The following FNBP1 variants were observed in gnomAD, a reference collection of about 807,000 sequenced individuals.
FNBP1 encodes formin binding protein 1.
A neutral mutation model predicts 90.6 loss-of-function variants in FNBP1; 26 were observed. The observed-to-expected ratio is 0.29, with a 90% CI of 0.21 to 0.40. The LOEUF is 0.40. Ranked by LOEUF, FNBP1 falls within the 10% of genes least tolerant of loss-of-function variation. The pLI is 1.00. For missense variants in FNBP1, 635 were observed against 768.0 expected (o/e 0.83, Z 2.05); for synonymous variants, 260 against 265.2 (o/e 0.98, Z 0.19).
At chr9:129,995,000 T>C in intron 1 of FNBP1, 42 bp from the exon 2 acceptor site, 1 of 888,186 alleles carries the variant, frequency 1.1e-6, no homozygotes, top group Non-Finnish European at 1.9e-6. Flanking sequence ...TCTTTCCCTG[T>C]GATTAACATA....
intron 11 of FNBP1, among the ~76,000 whole-genome samples, chr9:129,910,549 A>G (rs2039086026): frequency 6.6e-6 from 1 of 151,096 alleles, no homozygotes; most frequent in African/African-American, 2.4e-5. Flanking sequence ...AAGCCAGGGC[A>G]TTTAGAAAAG....
intron 1 of FNBP1, among the ~76,000 whole-genome samples, chr9:130,016,268 C>T (rs2057227826): frequency 6.6e-6 from 1 of 152,096 alleles, no homozygotes; most frequent in African/African-American, 2.4e-5. Context: ...TGAGGGTGGG[C>T]CCCTTGTGAA....
Position 129,957,345 on chromosome 9 carries a change from G to C in FNBP1, c.513+15C>G. 3 of 1,592,312 alleles carry C rather than the reference G, an allele frequency of 1.9e-6. No homozygotes were observed. Among genetic ancestry groups the C allele is most frequent in the Non-Finnish European group, 2.6e-6 (3 of 1,162,488 alleles). On this transcript the variant is annotated intron_variant, in intron 6 of 16. Coordinates refer to ENST00000446176, the MANE Select transcript of FNBP1 (RefSeq NM_015033.3). This position sits in a 1 kb window ranked among gnomAD's most constrained non-coding sequence, Gnocchi z 4.3. Reference sequence around the variant, plus strand: ...GAGCCACCGTGCCCGGCCCACACTTGAGCTTTCACCTCACCTTTTCAACAT... The same window carrying C: ...GAGCCACCGTGCCCGGCCCACACTTCAGCTTTCACCTCACCTTTTCAACAT...
chr9:129,912,993 G>A (rs1370666198), intron 11 of FNBP1, among the ~76,000 whole-genome samples: 1 of 152,186 alleles, frequency 6.6e-6, no homozygotes, highest in East Asian at 1.9e-4. Context: ...GCCGAGGTGA[G>A]CGGATCACCT....
intron 11 of FNBP1, among the ~76,000 whole-genome samples, chr9:129,910,746 G>T (rs542445923): frequency 3.3e-5 from 5 of 152,082 alleles, no homozygotes; most frequent in African/African-American, 1.2e-4. Flanking sequence ...GTGCTGGGAA[G>T]TGTGTGATTC....
intron 4 of FNBP1, among the ~76,000 whole-genome samples, chr9:129,961,851 G>A (rs145283392): frequency 6.6e-6 from 1 of 152,178 alleles, no homozygotes; most frequent in Non-Finnish European, 1.5e-5. Context: ...CTCCCAAAGT[G>A]CTGGGATTAC....
chr9:129,955,862 C>CACAT (rs1554813885), intron 6 of FNBP1, among the ~76,000 whole-genome samples: 2 of 151,154 alleles, frequency 1.3e-5, no homozygotes, highest in Non-Finnish European at 3.0e-5. Context: ...CACACACACA[C>CACAT]ATATATGAAT....
intron 10 of FNBP1, among the ~76,000 whole-genome samples, chr9:129,917,444 C>T (rs2040429874): frequency 6.6e-6 from 1 of 151,092 alleles, no homozygotes; most frequent in East Asian, 2.0e-4. Context: ...ATGATCCTCG[C>T]ACCTCAGCCT....
chr9:130,042,992 A>C lies in FNBP1; in HGVS notation c.-17T>G. ...CCAGCTCATGGTGCAGGGGACGCGA[A>C]GGGGCGCTCCGCGCGGCGGGCGCGG... On this transcript the variant is annotated 5_prime_UTR_variant, in exon 1 of 17. Coordinates refer to ENST00000446176, the MANE Select transcript of FNBP1 (RefSeq NM_015033.3). The surrounding 1 kb of genome is among the most constrained non-coding windows in gnomAD (Gnocchi z 5.5). The C allele has an allele frequency of 8.2e-7, 1 of 1,224,926 alleles. No homozygotes were observed. The highest frequency in any genetic ancestry group is 1.0e-6 in the Non-Finnish European group (1 of 983,404). The allele number at this position is 1,224,926 out of a possible 1,614,324, so 75.9% of individuals were successfully genotyped here.
At position 129,958,593 on chromosome 9, in the gene FNBP1, C is replaced by A. The variant is rs747838482; in HGVS notation, c.346-40G>T. The A allele has an allele frequency of 9.3e-6, 14 of 1,505,090 alleles. No homozygotes were observed. The African/African-American group carries it at 1.7e-4, about 18-fold the overall frequency. The allele number at this position is 1,505,090 out of a possible 1,614,324, so 93.2% of individuals were successfully genotyped here. On this transcript the variant is annotated intron_variant, in intron 4 of 16. Transcript: ENST00000446176. ...ACACACTGGTGATTAGTACCCTCTG[C>A]TTCTCTTATGAACCCAGGAGGAAAC...
At chr9:130,043,207 C>G (rs1589461109), upstream of FNBP1, 1 of 357,478 alleles carries the variant, frequency 2.8e-6, no homozygotes, top group Non-Finnish European at 5.0e-6. Flanking sequence ...GCAGCGCCCG[C>G]CCGCCCTACA....
intron 4 of FNBP1, among the ~76,000 whole-genome samples, chr9:129,977,916 T>A (rs1301677533): frequency 1.3e-5 from 2 of 152,188 alleles, no homozygotes; most frequent in African/African-American, 4.8e-5. Context: ...GCATATTCCT[T>A]TGAATATGGG....
At chr9:129,938,116 T>C (rs2043758870) in intron 6 of FNBP1, among the ~76,000 whole-genome samples, 1 of 152,120 alleles carries the variant, frequency 6.6e-6, no homozygotes, top group Non-Finnish European at 1.5e-5. Flanking sequence ...TGAGCCGAGA[T>C]TGAGCCACTG....
upstream of FNBP1, among the ~76,000 whole-genome samples, chr9:130,047,284 G>T (rs147039455): frequency 3.7e-4 from 57 of 152,248 alleles, 1 homozygote; most frequent in East Asian, 0.01. Flanking sequence ...ATCCCAACAC[G>T]TTTGGTCACA....
chr9:129,983,078 C>T (rs1302866957), intron 2 of FNBP1, among the ~76,000 whole-genome samples: 2 of 152,190 alleles, frequency 1.3e-5, no homozygotes, highest in African/African-American at 2.4e-5. Context: ...GTTAAATCCA[C>T]ATTTTCTTTG....
chr9:129,911,272 G>A (rs2039229549), intron 11 of FNBP1, among the ~76,000 whole-genome samples: 1 of 152,190 alleles, frequency 6.6e-6, no homozygotes, highest in Non-Finnish European at 1.5e-5. Flanking sequence ...GCAGGATTCT[G>A]ATTGTGGCCA....
At chr9:129,896,496 G>A (rs563284022) in intron 15 of FNBP1, among the ~76,000 whole-genome samples, 16 of 152,120 alleles carry the variant, frequency 1.1e-4, no homozygotes, top group Non-Finnish European at 1.9e-4. Context: ...CGATTCTCCT[G>A]TCTCAGCCTC....
intron 1 of FNBP1, among the ~76,000 whole-genome samples, chr9:130,000,820 C>G (rs1334545520): frequency 1.3e-5 from 2 of 151,636 alleles, no homozygotes; most frequent in African/African-American, 4.8e-5. Flanking sequence ...AAAAGTTTGT[C>G]TGTCGCTCAT....
chr9:130,027,134 G>A (rs1334881162), intron 1 of FNBP1, among the ~76,000 whole-genome samples: 1 of 152,080 alleles, frequency 6.6e-6, no homozygotes, highest in African/African-American at 2.4e-5. Context: ...CCCCTTTTGT[G>A]ACTCAGTGGT....
Sources: gnomAD v4.1 joint callset for allele counts (sites outside exome capture counted in the v4.1 genomes callset) on GRCh38, gnomAD v4.1.1 for gene constraint, Gnocchi (gnomAD v3.1) non-coding constraint, MANE v1.5 for transcripts, NCBI Gene and HGNC (gene_info 2026-07-23, HGNC 2026-07-21) for gene names.